Variants in CYLD observed in about 807,000 individuals in gnomAD.
CYLD encodes the protein CYLD lysine 63 deubiquitinase, also known as ubiquitin carboxyl-terminal hydrolase CYLD.
Under a neutral mutation model 104.5 loss-of-function variants are expected in CYLD, and 26 were observed. That is an observed-to-expected ratio of 0.25 (90% CI 0.18 to 0.35). The LOEUF (loss-of-function observed/expected upper bound fraction) is 0.35, where lower values mean the gene tolerates loss of function less well. Among genes scored for constraint, CYLD ranks in the 10% least tolerant of loss-of-function variants. The pLI is 1.00. For missense variants in CYLD, 703 were observed against 1,136.1 expected (o/e 0.62, Z 5.48); for synonymous variants, 385 against 399.9 (o/e 0.96, Z 0.45).
chr16:50,782,998 C>T (rs1970411214), intron 11 of CYLD, among the ~76,000 whole-genome samples: 1 of 142,024 alleles, frequency 7.0e-6, no homozygotes, highest in Non-Finnish European at 1.5e-5. Context: ...AATCTGGGCT[C>T]ATTGCAACCT....
Position 50,779,887 on chromosome 16 carries a change from T to C in CYLD, c.1361T>C (p.Val454Ala). 6.2e-7 allele frequency: 1 copy of C among 1,614,102 alleles called. No homozygotes were observed. Among genetic ancestry groups the C allele is most frequent in the Non-Finnish European group, 8.5e-7 (1 of 1,179,970 alleles). Residue 454 changes from valine (V) to alanine (A), a missense_variant, in exon 9 of 19, where the codon GTC becomes GCC. Around this residue, in one of 5 missense-constraint regions of CYLD, gnomAD observed 183 missense variants for 212.1 expected, o/e 0.86. Coordinates refer to ENST00000427738, the MANE Select transcript of CYLD (RefSeq NM_001378743.1). ...SVMEELNTAPVQESPPLAMPP... is the reference protein window; with the variant it reads ...SVMEELNTAPAQESPPLAMPP... Reference sequence around the variant, plus strand: ...ATGGAAGAGCTAAACACTGCACCCGTCCAAGAGAGTCCACCCTTGGCCATG... The same window carrying C: ...ATGGAAGAGCTAAACACTGCACCCGCCCAAGAGAGTCCACCCTTGGCCATG...
rs763407838 is a variant in CYLD, at chr16:50,799,113, G to GT, written c.*2609dup. Reference sequence around the variant, plus strand: ...CTGGTTATTTAATTTTCAGCCTTAAGTTTTCTTTAATATTTTCCTGTTGGC... The same window carrying GT: ...CTGGTTATTTAATTTTCAGCCTTAAGTTTTTCTTTAATATTTTCCTGTTGGC... On this transcript the variant is annotated 3_prime_UTR_variant, in exon 19 of 19. Coordinates refer to ENST00000427738, the MANE Select transcript of CYLD (RefSeq NM_001378743.1). The GT allele has an allele frequency of 8.6e-6, 2 of 233,220 alleles. No individual in the cohort carries two copies. Among genetic ancestry groups the GT allele is most frequent in the Non-Finnish European group, 1.7e-5 (2 of 118,048 alleles). The allele number at this position is 233,220 out of a possible 1,614,324, so 14.4% of individuals were successfully genotyped here. A position where few individuals can be genotyped will look rare whatever the true frequency, so the allele number is the denominator to read the frequency against.
At chr16:50,748,187 G>C (rs1966351512) in intron 2 of CYLD, among the ~76,000 whole-genome samples, 1 of 152,178 alleles carries the variant, frequency 6.6e-6, no homozygotes, top group African/African-American at 2.4e-5. Context: ...AGGATGAAAT[G>C]AAAGTACTGT....
chr16:50,755,116 CACATGTGT>C lies in CYLD; in HGVS notation c.913+694_913+701del, dbSNP rs1278782301. On this transcript the variant is annotated intron_variant, in intron 5 of 18. Transcript: ENST00000427738. ...ATACATACATATATACACACATATACACATGTGTATATATACACACGTGTACATATGTG... is the reference window on the plus strand; with the variant it reads ...ATACATACATATATACACACATATACATATATACACACGTGTACATATGTG... 5.7e-4 allele frequency among the ~76,000 whole-genome samples: 20 copies of C among 35,296 alleles called. 2 individuals carry two copies. The highest frequency in any genetic ancestry group is 8.9e-4 in the Non-Finnish European group (15 of 16,826). The allele number at this position is 35,296 out of a possible 152,430, so 23.2% of individuals were successfully genotyped here.
chr16:50,752,342 T>G (rs1301023762), intron 4 of CYLD, among the ~76,000 whole-genome samples: 1 of 152,270 alleles, frequency 6.6e-6, no homozygotes, highest in East Asian at 1.9e-4. Flanking sequence ...TTTGGGGTAC[T>G]CCATTTTTTT....
At chr16:50,788,171 A>G (rs953811807) in intron 14 of CYLD, among the ~76,000 whole-genome samples, 2 of 152,204 alleles carry the variant, frequency 1.3e-5, no homozygotes, top group African/African-American at 2.4e-5. Flanking sequence ...TTAAGAAAAA[A>G]TATCTCATTC....
chr16:50,779,245 A>C (rs1969977115), intron 8 of CYLD, among the ~76,000 whole-genome samples: 1 of 152,130 alleles, frequency 6.6e-6, no homozygotes, highest in African/African-American at 2.4e-5. Context: ...CATGTTTCAC[A>C]AGGATTCTTT....
chr16:50,760,186 A>G (rs1293233108), intron 5 of CYLD, among the ~76,000 whole-genome samples: 1 of 152,216 alleles, frequency 6.6e-6, no homozygotes, highest in Non-Finnish European at 1.5e-5. Context: ...CATCTAATTA[A>G]CTAGAGATAA....
At chr16:50,786,586 C>G (rs1481837180) in intron 12 of CYLD, 25 of 354,482 alleles carry the variant, frequency 7.1e-5, no homozygotes, top group Middle Eastern at 8.8e-4. Context: ...ATGGTGAAAC[C>G]CTGTTTCTAC....
chr16:50,784,189 C>T, intron 11 of CYLD, 140 bp from the exon 12 acceptor site: 1 of 841,492 alleles, frequency 1.2e-6, no homozygotes, highest in African/African-American at 1.7e-5. Flanking sequence ...GGTCCTGGTA[C>T]CTGTGTTAAT....
At chr16:50,767,349 C>T (rs1178003802) in intron 5 of CYLD, among the ~76,000 whole-genome samples, 3 of 152,034 alleles carry the variant, frequency 2.0e-5, no homozygotes, top group Non-Finnish European at 2.9e-5. Context: ...TTCATATGCA[C>T]TGGGAAACAA....
At chr16:50,779,578 G>A in intron 8 of CYLD, 87 bp from the exon 9 acceptor site, 2 of 1,358,504 alleles carry the variant, frequency 1.5e-6, no homozygotes, top group Non-Finnish European at 2.1e-6. Context: ...GTGGGCAGTT[G>A]GACTAGATCT....
intron 8 of CYLD, 118 bp downstream of exon 8, chr16:50,778,059 T>G (rs1969864341): frequency 1.5e-6 from 1 of 665,368 alleles, no homozygotes; most frequent in Non-Finnish European, 2.7e-6. Flanking sequence ...GACCGCTCTT[T>G]GTAATATTGC....
chr16:50,775,056 C>T (rs945752672), intron 5 of CYLD, 110 bp from the exon 6 acceptor site: 14 of 906,600 alleles, frequency 1.5e-5, no homozygotes, highest in Non-Finnish European at 1.9e-5. Flanking sequence ...TAAATTTCCT[C>T]TTTTTTTAAG....
rs1307684049 is a variant in CYLD at position 50,749,740 on chromosome 16, C to T, written c.42C>T (p.Pro14=). Reference sequence around the variant, plus strand: ...GGAGCCAAGAAAAAGTCACTTCACCCTACTGGGAAGAGCGGATTTTTTACT... The same window carrying T: ...GGAGCCAAGAAAAAGTCACTTCACCTTACTGGGAAGAGCGGATTTTTTACT... ...GLWSQEKVTS[P]YWEERIFYLL... Residue 14 remains proline (P), a synonymous_variant, in exon 3 of 19, where the codon CCC becomes CCT. Transcript: ENST00000427738. 6.2e-7 allele frequency: 1 copy of T among 1,613,836 alleles called. No individual in the cohort carries two copies. The highest frequency in any genetic ancestry group is 1.1e-5 in the South Asian group (1 of 91,060).
At chr16:50,761,129 G>GT (rs1250828517) in intron 5 of CYLD, among the ~76,000 whole-genome samples, 1 of 152,068 alleles carries the variant, frequency 6.6e-6, no homozygotes, top group African/African-American at 2.4e-5. Context: ...ATTGGGTTAG[G>GT]TTATTGGCCT....
At chr16:50,760,761 A>G (rs1967816981) in intron 5 of CYLD, among the ~76,000 whole-genome samples, 1 of 151,642 alleles carries the variant, frequency 6.6e-6, no homozygotes, top group Non-Finnish European at 1.5e-5. Flanking sequence ...TAACCTGTAC[A>G]TGTCTGTTTC....
At chr16:50,775,265 C>T (rs974801006) in intron 6 of CYLD, 91 bp downstream of exon 6, 12 of 981,018 alleles carry the variant, frequency 1.2e-5, no homozygotes, top group Non-Finnish European at 1.7e-5. Flanking sequence ...TCTACATTCC[C>T]TTGATCAGTA....
chr16:50,771,639 T>C (rs1354367002), intron 5 of CYLD, among the ~76,000 whole-genome samples: 3 of 152,208 alleles, frequency 2.0e-5, no homozygotes, highest in African/African-American at 7.2e-5. Context: ...ATGAGGGTTC[T>C]AATTTCTTTG....
Sources: allele counts gnomAD v4.1 joint callset (sites outside exome capture counted in the v4.1 genomes callset), GRCh38; gene constraint gnomAD v4.1.1; regional missense constraint gnomAD v4.1.1; transcripts MANE v1.5; gene names NCBI Gene and HGNC (gene_info 2026-07-23, HGNC 2026-07-21).